NPIPB2: variants seen among roughly 807,000 people sequenced by gnomAD.
The protein encoded by NPIPB2 is nuclear pore complex-interacting protein family member B2.
Under a neutral mutation model 30.8 loss-of-function variants are expected in NPIPB2, and 27 were observed. That is an observed-to-expected ratio of 0.88 (90% confidence interval 0.65 to 1.21). NPIPB2 has a LOEUF of 1.21. Ranked by LOEUF, NPIPB2 falls within the 50% of genes most tolerant of loss-of-function variation. The pLI, the probability that NPIPB2 is intolerant of heterozygous loss-of-function variation, is 0.00. For missense variants in NPIPB2, 440 were observed against 446.2 expected (o/e 0.99, Z 0.13); for synonymous variants, 147 against 162.0 (o/e 0.91, Z 0.70).
At chr16:11,966,234 G>A (rs776302138) in intron 1 of NPIPB2, 5 of 1,613,790 alleles carry the variant, frequency 3.1e-6, no homozygotes, top group Non-Finnish European at 4.2e-6. Flanking sequence ...GCGATTCTCT[G>A]GACCTGTTTG....
chr16:11,937,179 C>G (rs3895656), intron 2 of NPIPB2, among the ~76,000 whole-genome samples: 12 of 152,116 alleles, frequency 7.9e-5, no homozygotes, highest in Non-Finnish European at 1.5e-4. Context: ...TCTTCAGAGA[C>G]GAGACTGGAA....
At chr16:11,963,598 G>A (rs755911942) in intron 1 of NPIPB2, among the ~76,000 whole-genome samples, 4 of 151,890 alleles carry the variant, frequency 2.6e-5, no homozygotes, top group African/African-American at 7.2e-5. Context: ...CCTTTTTTGT[G>A]CTCCCCTTCT....
upstream of NPIPB2, among the ~76,000 whole-genome samples, chr16:11,942,593 T>C (rs1028640144): frequency 1.8e-4 from 28 of 152,210 alleles, no homozygotes; most frequent in Non-Finnish European, 3.8e-4. Flanking sequence ...GAAAACCAAG[T>C]TGACCTTCAT....
intron 1 of NPIPB2, among the ~76,000 whole-genome samples, chr16:11,947,071 A>G (rs2055018254): frequency 1.5e-5 from 2 of 129,074 alleles, no homozygotes; most frequent in Admixed American, 1.5e-4. Context: ...GTATATATAT[A>G]AACATATATA....
chr16:11,927,570 C>T (rs1403521022), exon 8 of NPIPB2: 7 of 1,607,744 alleles, frequency 4.4e-6, no homozygotes, highest in Non-Finnish European at 5.9e-6. Flanking sequence ...GGTGGTTTTT[C>T]TGCCTCAGCC....
At chr16:11,958,469 C>T (rs1220226544) in intron 1 of NPIPB2, among the ~76,000 whole-genome samples, 1 of 151,770 alleles carries the variant, frequency 6.6e-6, no homozygotes, top group African/African-American at 2.4e-5. Flanking sequence ...GTGGCTCATG[C>T]CTATAATCCT....
At chr16:11,956,591 G>A (rs567006961) in intron 1 of NPIPB2, among the ~76,000 whole-genome samples, 4 of 152,270 alleles carry the variant, frequency 2.6e-5, no homozygotes, top group Admixed American at 2.0e-4. Context: ...CAGGAGAATC[G>A]CTTGAACTCA....
chr16:11,944,420 G>A (rs1343235207), upstream of NPIPB2, among the ~76,000 whole-genome samples: 17 of 151,868 alleles, frequency 1.1e-4, no homozygotes, highest in East Asian at 3.2e-3. Flanking sequence ...GCCCACCTCA[G>A]CCTCCCAAAG....
exon 4 of NPIPB2, chr16:11,933,546 G>A (rs1349496484): frequency 6.3e-7 from 1 of 1,597,068 alleles, no homozygotes; most frequent in Non-Finnish European, 8.5e-7. Flanking sequence ...TCTTTCCATT[G>A]ATTTTGTCAT....
intron 1 of NPIPB2, among the ~76,000 whole-genome samples, chr16:11,975,982 CG>C (rs1341254385): frequency 6.6e-6 from 1 of 151,498 alleles, no homozygotes. Context: ...CGTCTCGCTA[CG>C]TTGCCCAGGC....
chr16:11,969,200 C>G (rs1325329933), intron 1 of NPIPB2, among the ~76,000 whole-genome samples: 1 of 151,964 alleles, frequency 6.6e-6, no homozygotes, highest in Non-Finnish European at 1.5e-5. Context: ...GGGCGCTTCT[C>G]TCCGATATAC....
rs533821159 is a variant in NPIPB2, at chr16:11,927,601, T to G, written c.966A>C (p.Thr322=). 1.8e-4 allele frequency: 284 copies of G among 1,606,952 alleles called. 2 individuals carry two copies. The African/African-American group carries it at 3.3e-3, about 19-fold the overall frequency. The change falls in exon 8 of 8, where the codon ACA becomes ACC. Residue 322 remains threonine, a synonymous_variant. Transcript: ENST00000399147. ...CAGCCTCCTGAGTAGCTAAGGGAGG[T>G]GTCTTGAGATTATCATCCGCTGAGG...
chr16:11,954,175 G>A (rs2055091204), intron 1 of NPIPB2, among the ~76,000 whole-genome samples: 1 of 151,898 alleles, frequency 6.6e-6, no homozygotes. Flanking sequence ...CCTAAACGTG[G>A]AATTGCTTGG....
chr16:11,976,523 G>C (rs566526941), intron 1 of NPIPB2: 172 of 348,498 alleles, frequency 4.9e-4, no homozygotes, highest in Non-Finnish European at 5.7e-4. Flanking sequence ...AGGCGTCTTG[G>C]GCACTTGGGG....
At chr16:11,962,814 A>T (rs1302613777) in intron 1 of NPIPB2, among the ~76,000 whole-genome samples, 1 of 152,082 alleles carries the variant, frequency 6.6e-6, no homozygotes, top group Admixed American at 6.6e-5. Flanking sequence ...CACACCTGTA[A>T]TCTCAGCACT....
chr16:11,964,575 T>G (rs2055178659), intron 1 of NPIPB2, among the ~76,000 whole-genome samples: 1 of 152,062 alleles, frequency 6.6e-6, no homozygotes, highest in South Asian at 2.1e-4. Context: ...CCACCATGCC[T>G]GACTAATTTT....
At chr16:11,933,556 T>G (rs1295537247) in exon 4 of NPIPB2, 1 of 1,597,126 alleles carries the variant, frequency 6.3e-7, no homozygotes, top group Non-Finnish European at 8.5e-7. Flanking sequence ...GATTTTGTCA[T>G]GATGGTTGAT....
intron 5 of NPIPB2, 46 bp downstream of exon 5, chr16:11,930,404 C>T (rs2054775234): frequency 1.3e-6 from 2 of 1,498,880 alleles, no homozygotes; most frequent in South Asian, 2.4e-5. Context: ...AAACAACACT[C>T]CAATGGGCGT....
chr16:11,968,570 T>C (rs569919904), intron 1 of NPIPB2: 2 of 152,356 alleles, frequency 1.3e-5, no homozygotes. Context: ...TTAAAAATTG[T>C]ATACCACTTA....
Sources: allele counts gnomAD v4.1 joint callset (sites outside exome capture counted in the v4.1 genomes callset), GRCh38; gene constraint gnomAD v4.1.1; transcripts MANE v1.5; gene names NCBI Gene and HGNC (gene_info 2026-07-23, HGNC 2026-07-21).